DAP: variants seen among roughly 807,000 people sequenced by gnomAD.
DAP encodes the protein death-associated protein 1.
DAP carries 8 observed loss-of-function variants against 13.8 expected under a neutral mutation model. The observed-to-expected ratio is 0.58, with a 90% CI of 0.34 to 1.05. The LOEUF is 1.05. DAP is among the 50% of genes least tolerant of loss of function. The pLI is 0.03. For synonymous variants in DAP, 47 were observed against 47.5 expected, an observed-to-expected ratio of 0.99 and a Z score of 0.04; for missense variants, 106 against 133.2, an observed-to-expected ratio of 0.80 and a Z score of 1.01.
chr5:10,742,938 C>T (rs924051994), intron 2 of DAP, among the ~76,000 whole-genome samples: 3 of 152,140 alleles, frequency 2.0e-5, no homozygotes, highest in Non-Finnish European at 2.9e-5. Flanking sequence ...TCCATCCATC[C>T]ATCCATCCAT....
intron 2 of DAP, among the ~76,000 whole-genome samples, chr5:10,715,332 C>G (rs910057109): frequency 6.6e-6 from 1 of 152,178 alleles, no homozygotes; most frequent in Non-Finnish European, 1.5e-5. Flanking sequence ...GGGCCCAGGA[C>G]AGCAACAGGA....
At chr5:10,688,608 A>C (rs144793999) in intron 2 of DAP, among the ~76,000 whole-genome samples, 2 of 152,190 alleles carry the variant, frequency 1.3e-5, no homozygotes, top group African/African-American at 4.8e-5. Context: ...CAAGCAAAAC[A>C]AGTTAAAATC....
At chr5:10,722,248 G>A (rs190300478) in intron 2 of DAP, among the ~76,000 whole-genome samples, 2 of 152,174 alleles carry the variant, frequency 1.3e-5, no homozygotes, top group African/African-American at 4.8e-5. Flanking sequence ...TAATCTGGTG[G>A]GCACCATCTA....
At chr5:10,730,827 G>A (rs1375067617) in intron 2 of DAP, among the ~76,000 whole-genome samples, 1 of 112,252 alleles carries the variant, frequency 8.9e-6, no homozygotes, top group Non-Finnish European at 1.8e-5. Context: ...CTTCTCTATT[G>A]AGAGCCCTGG....
At chr5:10,729,206 T>C (rs1739374352) in intron 2 of DAP, among the ~76,000 whole-genome samples, 1 of 152,210 alleles carries the variant, frequency 6.6e-6, no homozygotes, top group Non-Finnish European at 1.5e-5. Flanking sequence ...AAAGTTAACC[T>C]TAGCTACAGA....
At chr5:10,693,357 G>A (rs1276735593) in intron 2 of DAP, among the ~76,000 whole-genome samples, 4 of 152,206 alleles carry the variant, frequency 2.6e-5, no homozygotes, top group Non-Finnish European at 5.9e-5. Context: ...CTATCAGCAG[G>A]AAGCATGTAC....
intron 2 of DAP, among the ~76,000 whole-genome samples, chr5:10,684,041 C>G (rs1370131347): frequency 1.3e-5 from 2 of 152,202 alleles, no homozygotes; most frequent in Admixed American, 1.3e-4. Context: ...CCAGGCTAGT[C>G]TCAAACTCCT....
At chr5:10,687,872 A>G (rs902251968) in intron 2 of DAP, among the ~76,000 whole-genome samples, 5 of 146,096 alleles carry the variant, frequency 3.4e-5, no homozygotes, top group Non-Finnish European at 6.0e-5. Context: ...GGAAGAGTTG[A>G]TCTATGTTCT....
chr5:10,731,269 G>C (rs1317155432), intron 2 of DAP, among the ~76,000 whole-genome samples: 1 of 150,360 alleles, frequency 6.7e-6, no homozygotes, highest in Non-Finnish European at 1.5e-5. Flanking sequence ...CTGGTGGGGG[G>C]AATCTTTCTC....
Position 10,680,948 on chromosome 5 carries a change from A to T in DAP, c.*108T>A. The T allele has an allele frequency of 6.5e-7, 1 of 1,541,328 alleles. No individual in the cohort carries two copies. The highest frequency in any genetic ancestry group is 8.7e-7 in the Non-Finnish European group (1 of 1,146,998). ...AGGACAGAGCACTTGGTTTTGCCTT[A>T]GATTTCCCAGCAGAGTAGGATTTGG... is the stretch of plus-strand genomic sequence containing the variant. On this transcript the variant is annotated 3_prime_UTR_variant, in exon 4 of 4. Transcript: ENST00000230895.
intron 2 of DAP, among the ~76,000 whole-genome samples, chr5:10,719,610 G>A (rs571323192): frequency 6.6e-6 from 1 of 152,314 alleles, no homozygotes; most frequent in Admixed American, 6.5e-5. Context: ...ACCATGAACT[G>A]GGTGCTTTCT....
chr5:10,760,999 G>A lies in DAP; in HGVS notation c.55+15C>T. On this transcript the variant is annotated intron_variant, in intron 1 of 3. Coordinates refer to ENST00000230895, the MANE Select transcript of DAP (RefSeq NM_004394.3). Reference sequence around the variant, plus strand: ...CCGGCACCCGCGCGTGGAGAGAGAGGAAAAGAGTCAGTACCGGCGGGCGGG... The same window carrying A: ...CCGGCACCCGCGCGTGGAGAGAGAGAAAAAGAGTCAGTACCGGCGGGCGGG... 2 of 1,232,212 alleles carry A rather than the reference G, an allele frequency of 1.6e-6. No homozygotes were observed. The highest frequency in any genetic ancestry group is 1.0e-6 in the Non-Finnish European group (1 of 976,140). 76.3% of individuals were successfully genotyped at this position (1,232,212 alleles called of 1,614,324 possible).
At chr5:10,687,938 G>A (rs1738198525) in intron 2 of DAP, among the ~76,000 whole-genome samples, 2 of 142,924 alleles carry the variant, frequency 1.4e-5, no homozygotes, top group South Asian at 4.4e-4. Context: ...TACAGAGGGA[G>A]AGGGTCTCAC....
intron 1 of DAP, among the ~76,000 whole-genome samples, chr5:10,752,122 T>C (rs1740061954): frequency 6.6e-6 from 1 of 152,262 alleles, no homozygotes; most frequent in African/African-American, 2.4e-5. Context: ...TCAAGTCTTC[T>C]GAAGCTCCTG....
intron 2 of DAP, among the ~76,000 whole-genome samples, chr5:10,697,587 G>A (rs1401303544): frequency 1.3e-5 from 2 of 152,036 alleles, no homozygotes; most frequent in Non-Finnish European, 2.9e-5. Context: ...TGTTATAAAT[G>A]GTTTAATTTT....
At chr5:10,727,862 A>G (rs1386963166) in intron 2 of DAP, among the ~76,000 whole-genome samples, 12 of 152,230 alleles carry the variant, frequency 7.9e-5, no homozygotes, top group Non-Finnish European at 2.9e-5. Flanking sequence ...ACCTTCACAC[A>G]TCCTCCCATA....
Position 10,740,977 on chromosome 5 carries a change from GCTGA to G in DAP, c.152+7194_152+7197del, listed in dbSNP as rs559625932. ...AAGTTGTAGCCAGTGGTGTGTTGGA[GCTGA>G]CTTACACTGGCATGTAGAGCTGACT... On this transcript the variant is annotated intron_variant, in intron 2 of 3. Coordinates refer to ENST00000230895, the MANE Select transcript of DAP (RefSeq NM_004394.3). 4.6e-3 allele frequency among the ~76,000 whole-genome samples: 697 copies of G among 152,340 alleles called. 2 individuals carry two copies. The highest frequency in any genetic ancestry group is 0.015 in the African/African-American group (643 of 41,572).
chr5:10,760,586 T>G (rs1416531412), intron 1 of DAP, among the ~76,000 whole-genome samples: 1 of 152,264 alleles, frequency 6.6e-6, no homozygotes, highest in Non-Finnish European at 1.5e-5. Flanking sequence ...TATGAAACGC[T>G]GGCAGCCTCT....
At chr5:10,741,176 C>T (rs997298044) in intron 2 of DAP, among the ~76,000 whole-genome samples, 1 of 135,690 alleles carries the variant, frequency 7.4e-6, no homozygotes, top group African/African-American at 2.6e-5. Flanking sequence ...TGTGGTGAGA[C>T]CTGGTCTCTA....
Sources: allele counts gnomAD v4.1 joint callset (sites outside exome capture counted in the v4.1 genomes callset), GRCh38; gene constraint gnomAD v4.1.1; transcripts MANE v1.5; gene names NCBI Gene and HGNC (gene_info 2026-07-23, HGNC 2026-07-21).